SLC16A12: variants seen among roughly 807,000 people sequenced by gnomAD.
SLC16A12 encodes solute carrier family 16 member 12.
In SLC16A12, 17 loss-of-function variants were observed where a neutral mutation model predicts 42.4. That is an observed-to-expected ratio of 0.40 (90% confidence interval 0.27 to 0.60). The LOEUF (loss-of-function observed/expected upper bound fraction) is 0.60. Ranked by LOEUF, SLC16A12 falls within the 20% of genes least tolerant of loss-of-function variation. The pLI is 0.42. For synonymous variants in SLC16A12, 224 were observed against 229.4 expected (o/e 0.98, Z 0.21); for missense variants, 544 against 623.0 (o/e 0.87, Z 1.35).
In SLC16A12 at chr10:89,513,176, A is replaced by T. The variant is rs180848574; in HGVS notation, c.-47+21325T>A. Among the ~76,000 whole-genome samples, 1,088 of 150,318 alleles carry T rather than the reference A, an allele frequency of 7.2e-3. 14 individuals carry two copies. The highest frequency in any genetic ancestry group is 0.025 in the African/African-American group (1,005 of 40,140). On this transcript the variant is annotated intron_variant, in intron 2 of 7. Transcript: ENST00000371790. ...TGTTATGTACACTTAACCATAATTT[A>T]AAAAAAAATGAAACCGCGATCATTT...
chr10:89,451,731 G>A (rs1842099385), intron 3 of SLC16A12, among the ~76,000 whole-genome samples: 1 of 152,146 alleles, frequency 6.6e-6, no homozygotes, highest in Non-Finnish European at 1.5e-5. Flanking sequence ...CATAAGTGCA[G>A]TGCAATGGAA....
intron 2 of SLC16A12, among the ~76,000 whole-genome samples, chr10:89,480,751 A>G (rs1384901527): frequency 6.6e-6 from 1 of 152,214 alleles, no homozygotes; most frequent in Non-Finnish European, 1.5e-5. Context: ...CATCTTTCCA[A>G]GTCAATTTTC....
At chr10:89,478,203 C>G (rs560189527) in intron 2 of SLC16A12, among the ~76,000 whole-genome samples, 3 of 152,016 alleles carry the variant, frequency 2.0e-5, no homozygotes, top group Non-Finnish European at 4.4e-5. Context: ...GGAGAGTTGA[C>G]GTAGAAAGTC....
upstream of SLC16A12, chr10:89,535,660 A>C (rs1198901575): frequency 6.7e-6 from 1 of 149,360 alleles, no homozygotes; most frequent in African/African-American, 2.5e-5. Context: ...ACCCGCCCCC[A>C]GCCCGGCCCC....
intron 2 of SLC16A12, among the ~76,000 whole-genome samples, chr10:89,493,979 T>TA (rs35069603): frequency 0.25 from 37,897 of 152,136 alleles, 5,262 homozygotes; most frequent in Non-Finnish European, 0.32. Flanking sequence ...TGAGCCACAA[T>TA]ACATATTAGA....
intron 2 of SLC16A12, among the ~76,000 whole-genome samples, chr10:89,522,440 T>C (rs897063753): frequency 1.3e-5 from 2 of 152,224 alleles, no homozygotes; most frequent in Non-Finnish European, 2.9e-5. Context: ...TTCAAACTAC[T>C]AACCCCCAAT....
At position 89,529,754 on chromosome 10, in the gene SLC16A12, G is replaced by A. The variant is rs148790692; in HGVS notation, c.-47+4747C>T. Among the ~76,000 whole-genome samples, 164 of 152,058 alleles carry A rather than the reference G, an allele frequency of 1.1e-3. 1 individual carries two copies. The highest frequency in any genetic ancestry group is 2.9e-3 in the African/African-American group (119 of 41,464). On this transcript the variant is annotated intron_variant, in intron 2 of 7. Transcript: ENST00000371790. ...GTAGAGACGGGGTTTCGCCATGTTG[G>A]CCACGCTAGTCTCGAACTCCTGACC...
intron 3 of SLC16A12, among the ~76,000 whole-genome samples, chr10:89,452,406 C>A (rs1842108706): frequency 6.6e-6 from 1 of 152,120 alleles, no homozygotes; most frequent in Admixed American, 6.5e-5. Flanking sequence ...CATTGCATAA[C>A]ATAAAAATGT....
chr10:89,536,580 G>T (rs921471324), upstream of SLC16A12, among the ~76,000 whole-genome samples: 1 of 151,954 alleles, frequency 6.6e-6, no homozygotes, highest in African/African-American at 2.4e-5. Context: ...CAGGTTCCAG[G>T]CGAACTTTCT....
intron 6 of SLC16A12, 149 bp from the exon 7 acceptor site, chr10:89,436,468 T>C: frequency 1.0e-6 from 1 of 966,730 alleles, no homozygotes; most frequent in Middle Eastern, 2.4e-4. Context: ...CCTATCTTTC[T>C]TTTTTGCAAA....
At chr10:89,440,991 A>C (rs1179090780) in intron 5 of SLC16A12, 117 bp downstream of exon 5, 3 of 1,281,344 alleles carry the variant, frequency 2.3e-6, no homozygotes, top group Non-Finnish European at 3.4e-6. Flanking sequence ...GACATAAGCT[A>C]GGTCAACTAA....
At chr10:89,546,461 T>C (rs1467340497) in intron 2 of SLC16A12, among the ~76,000 whole-genome samples, 2 of 152,144 alleles carry the variant, frequency 1.3e-5, no homozygotes, top group Non-Finnish European at 2.9e-5. Flanking sequence ...ATCAGAGAAA[T>C]GCAAATCAAA....
rs1253307076 is a variant in SLC16A12, at chr10:89,510,639, A to G, written c.-47+23862T>C. On this transcript the variant is annotated intron_variant, in intron 2 of 7. Coordinates refer to ENST00000371790, the MANE Select transcript of SLC16A12 (RefSeq NM_213606.4). ...AAAACCATAAAAACCCTAGAAGAAA[A>G]CCTAGGCAATACCATTCAGACATAG... Among the ~76,000 whole-genome samples, 3 of 152,318 alleles carry G rather than the reference A, an allele frequency of 2.0e-5. No homozygotes were observed. In the East Asian group the frequency reaches 5.8e-4, roughly 29 times the overall value.
intron 2 of SLC16A12, among the ~76,000 whole-genome samples, chr10:89,466,430 A>C (rs1338235983): frequency 6.6e-6 from 1 of 152,166 alleles, no homozygotes; most frequent in African/African-American, 2.4e-5. Flanking sequence ...ATAATTTCTA[A>C]GCCTCAGCTT....
chr10:89,553,610 C>A (rs963454025), intron 2 of SLC16A12, among the ~76,000 whole-genome samples: 1 of 152,194 alleles, frequency 6.6e-6, no homozygotes, highest in African/African-American at 2.4e-5. Flanking sequence ...ATTACCTTAT[C>A]TGTAAAATTA....
chr10:89,455,067 GGAA>G (rs1405960751), intron 3 of SLC16A12, among the ~76,000 whole-genome samples: 5 of 152,118 alleles, frequency 3.3e-5, no homozygotes, highest in African/African-American at 1.2e-4. Context: ...AATGAGAAAG[GGAA>G]GAAGGAGGAA....
intron 2 of SLC16A12, among the ~76,000 whole-genome samples, chr10:89,512,212 G>T (rs1435129082): frequency 2.0e-5 from 3 of 152,192 alleles, no homozygotes; most frequent in Non-Finnish European, 4.4e-5. Flanking sequence ...AGATGAAAAA[G>T]TTCTGGAGAT....
In SLC16A12 at chr10:89,439,060, G is replaced by C. The variant is rs952000155; in HGVS notation, c.572C>G (p.Ala191Gly). 6.8e-6 allele frequency: 11 copies of C among 1,613,614 alleles called. No individual in the cohort carries two copies. Among genetic ancestry groups the C allele is most frequent in the Non-Finnish European group, 9.3e-6 (11 of 1,179,738 alleles). The change falls in exon 6 of 8, where the codon GCT becomes GGT. Residue 191 changes from alanine to glycine, a missense_variant. Coordinates refer to ENST00000371790, the MANE Select transcript of SLC16A12 (RefSeq NM_213606.4). Reference sequence around the variant, plus strand: ...TTCAATAAGGAGCTGAACCACAGGAGCCAGGATGAAGGTGCCAATGCCACT... The same window carrying C: ...TTCAATAAGGAGCTGAACCACAGGACCCAGGATGAAGGTGCCAATGCCACT... ...SGSGIGTFIL[A>G]PVVQLLIEQF...
chr10:89,550,317 G>A (rs917564737), intron 2 of SLC16A12, among the ~76,000 whole-genome samples: 2 of 152,112 alleles, frequency 1.3e-5, no homozygotes, highest in African/African-American at 4.8e-5. Context: ...TCAGGTGTTC[G>A]TGACCAGCCT....
Sources: allele counts gnomAD v4.1 joint callset (sites outside exome capture counted in the v4.1 genomes callset), GRCh38; gene constraint gnomAD v4.1.1; transcripts MANE v1.5; gene names NCBI Gene and HGNC (gene_info 2026-07-23, HGNC 2026-07-21).